EPHB2: variants seen among roughly 807,000 people sequenced by gnomAD.
EPHB2 encodes EPH receptor B2, also known as ephrin type-B receptor 2.
In EPHB2, 18 loss-of-function variants were observed where a neutral mutation model predicts 96.4. The ratio of observed to expected loss-of-function variants is 0.19; its 90% confidence interval spans 0.13 to 0.28. The LOEUF is 0.28. Ranked by LOEUF, EPHB2 falls within the 10% of genes least tolerant of loss-of-function variation. EPHB2 has a pLI of 1.00. For missense variants in EPHB2, 989 were observed against 1,355.4 expected (o/e 0.73, Z 4.25); for synonymous variants, 506 against 534.1 (o/e 0.95, Z 0.72).
At position 22,869,187 on chromosome 1, in the gene EPHB2, C is replaced by G. The variant is rs376544548; in HGVS notation, c.1303+3975C>G. Among the ~76,000 whole-genome samples, 9 of 152,138 alleles carry G rather than the reference C, an allele frequency of 5.9e-5. No homozygotes were observed. In the East Asian group the frequency reaches 7.7e-4, roughly 13 times the overall value. On this transcript the variant is annotated intron_variant, in intron 5 of 15. Transcript: ENST00000374630. Reference sequence around the variant, plus strand: ...TGTGCAACCTCACCACACCCCCACCCCATTATCCCCCTTTGCCAGGTGAGG... The same window carrying G: ...TGTGCAACCTCACCACACCCCCACCGCATTATCCCCCTTTGCCAGGTGAGG...
intron 1 of EPHB2, among the ~76,000 whole-genome samples, chr1:22,769,846 G>A (rs1644354580): frequency 6.6e-6 from 1 of 152,200 alleles, no homozygotes; most frequent in Non-Finnish European, 1.5e-5. Flanking sequence ...AAATGAATGG[G>A]CGAGTGGATA....
chr1:22,789,803 A>G (rs1283211463), intron 3 of EPHB2, among the ~76,000 whole-genome samples: 1 of 152,204 alleles, frequency 6.6e-6, no homozygotes, highest in African/African-American at 2.4e-5. Flanking sequence ...TTGTGCAACA[A>G]TAGAGATCAA....
At chr1:22,741,241 T>G (rs1410942019) in intron 1 of EPHB2, among the ~76,000 whole-genome samples, 1 of 152,030 alleles carries the variant, frequency 6.6e-6, no homozygotes, top group Non-Finnish European at 1.5e-5. Context: ...GGGAGACATC[T>G]CCTCTCTCGC....
chr1:22,868,469 A>G (rs1014577602), intron 5 of EPHB2, among the ~76,000 whole-genome samples: 1 of 152,008 alleles, frequency 6.6e-6, no homozygotes, highest in Non-Finnish European at 1.5e-5. Context: ...ATAAATATTT[A>G]TTTTCTCACT....
At position 22,784,361 on chromosome 1, in the gene EPHB2, C is replaced by T; in HGVS notation, c.127-31C>T. The T allele has an allele frequency of 6.2e-7, 1 of 1,610,026 alleles. No individual in the cohort carries two copies. Among genetic ancestry groups the T allele is most frequent in the Non-Finnish European group, 8.5e-7 (1 of 1,176,842 alleles). ...AGTGTGTGCTGGGGCTGAGCCCTTACCTCCCCACCTGACGAGCATTTTACC... is the reference window on the plus strand; with the variant it reads ...AGTGTGTGCTGGGGCTGAGCCCTTATCTCCCCACCTGACGAGCATTTTACC... On this transcript the variant is annotated intron_variant, in intron 2 of 15. Transcript: ENST00000374630. The surrounding 1 kb of genome is among the most constrained non-coding windows in gnomAD (Gnocchi z 5.1).
At chr1:22,901,820 A>AGTGTGTGTGTGTGTGTGTGTGTGT (rs57503593) in intron 9 of EPHB2, among the ~76,000 whole-genome samples, 19 of 148,574 alleles carry the variant, frequency 1.3e-4, no homozygotes, top group African/African-American at 4.7e-4. Flanking sequence ...TGTGTGTGTG[A>AGTGTGTGTGTGTGTGTGTGTGTGT]GTGTGTGTGT....
At chr1:22,801,766 C>T (rs1055125019) in intron 3 of EPHB2, among the ~76,000 whole-genome samples, 4 of 152,212 alleles carry the variant, frequency 2.6e-5, no homozygotes, top group Non-Finnish European at 2.9e-5. Context: ...GGCAGCCCCT[C>T]GTGGGGTCCC....
intron 6 of EPHB2, among the ~76,000 whole-genome samples, chr1:22,892,435 G>A (rs1256318880): frequency 1.3e-5 from 2 of 152,138 alleles, no homozygotes; most frequent in Non-Finnish European, 1.5e-5. Context: ...TTGACCATGG[G>A]TTTATGTCTG....
At chr1:22,730,914 G>A (rs1229227019) in intron 1 of EPHB2, among the ~76,000 whole-genome samples, 1 of 152,132 alleles carries the variant, frequency 6.6e-6, no homozygotes, top group Non-Finnish European at 1.5e-5. Context: ...GGGACAGGAA[G>A]AACCATCACA....
chr1:22,790,918 C>CCTGCTGTGCAGCCCCTGCT lies in EPHB2; in HGVS notation c.811+5845_811+5863dup, dbSNP rs1553164602. On this transcript the variant is annotated intron_variant, in intron 3 of 15. Coordinates refer to ENST00000374630, the MANE Select transcript of EPHB2 (RefSeq NM_017449.5). This position sits in a 1 kb window ranked among gnomAD's most constrained non-coding sequence, Gnocchi z 4.0. ...AGCCTCTCCCTCTTGTCTGCCCTGC[C>CCTGCTGTGCAGCCCCTGCT]CTGCTGTGCAGCCCCTGCTCTCTCC... 6.6e-6 allele frequency among the ~76,000 whole-genome samples: 1 copy of CCTGCTGTGCAGCCCCTGCT among 152,326 alleles called. No homozygotes were observed. Among genetic ancestry groups the CCTGCTGTGCAGCCCCTGCT allele is most frequent in the East Asian group, 1.9e-4 (1 of 5,184 alleles).
intron 12 of EPHB2, 74 bp downstream of exon 12, chr1:22,908,242 G>T (rs925595523): frequency 4.5e-6 from 7 of 1,571,108 alleles, no homozygotes; most frequent in Non-Finnish European, 6.1e-6. Flanking sequence ...CTCCCTGCAA[G>T]ACACTTTCAC....
At chr1:22,819,944 C>T (rs980730777) in intron 3 of EPHB2, among the ~76,000 whole-genome samples, 1 of 152,028 alleles carries the variant, frequency 6.6e-6, no homozygotes, top group Non-Finnish European at 1.5e-5. Flanking sequence ...CCAGCCTGGT[C>T]ATACCCACAC....
chr1:22,800,798 T>A (rs72653688), intron 3 of EPHB2, among the ~76,000 whole-genome samples: 1,967 of 142,004 alleles, frequency 0.014, 43 homozygotes, highest in African/African-American at 0.05. Context: ...ACACACACAC[T>A]CTCTCTCTCT....
chr1:22,783,890 A>G (rs1274554214), intron 2 of EPHB2, among the ~76,000 whole-genome samples: 1 of 152,114 alleles, frequency 6.6e-6, no homozygotes, highest in African/African-American at 2.4e-5. Context: ...CTTCCCCATC[A>G]TCCTAGGCGT....
intron 5 of EPHB2, among the ~76,000 whole-genome samples, chr1:22,878,749 C>T (rs898884609): frequency 1.2e-4 from 18 of 152,168 alleles, no homozygotes; most frequent in African/African-American, 4.3e-4. Context: ...CTGTTGGACT[C>T]CACCCTCAGG....
rs541571960 is a variant in EPHB2 at position 22,827,068 on chromosome 1, C to T, written c.812-35969C>T. Among the ~76,000 whole-genome samples the T allele has an allele frequency of 7.9e-5, 12 of 152,320 alleles. No individual in the cohort carries two copies. The South Asian group carries it at 8.3e-4, about 11-fold the overall frequency. ...AGTATGGAATCCAGAGCTCCTGCCC[C>T]GCTTCCTCCCTACCAGAGCACAAGA... On this transcript the variant is annotated intron_variant, in intron 3 of 15. Transcript: ENST00000374630.
chr1:22,816,127 A>G (rs1443513110), intron 3 of EPHB2, among the ~76,000 whole-genome samples: 12 of 152,268 alleles, frequency 7.9e-5, no homozygotes, highest in African/African-American at 2.4e-4. Flanking sequence ...CATCTCAGGC[A>G]TCTGTCGGAT....
chr1:22,896,462 C>T lies in EPHB2; in HGVS notation c.1749C>T (p.His583=), dbSNP rs753914148. 1.2e-6 allele frequency: 2 copies of T among 1,614,182 alleles called. No homozygotes were observed. Among genetic ancestry groups the T allele is most frequent in the Non-Finnish European group, 1.7e-6 (2 of 1,180,030 alleles). The change falls in exon 9 of 16, where the codon CAC becomes CAT. Residue 583 remains histidine, a synonymous_variant. Coordinates refer to ENST00000374630, the MANE Select transcript of EPHB2 (RefSeq NM_017449.5). ...ADSEYTDKLQ[H]YTSGHMTPGM... ...CGGAGTACACGGACAAGCTGCAACA[C>T]TACACCAGTGGCCACAGTATGTACA...
At chr1:22,845,674 G>A (rs1248288391) in intron 3 of EPHB2, among the ~76,000 whole-genome samples, 1 of 152,160 alleles carries the variant, frequency 6.6e-6, no homozygotes, top group Admixed American at 6.5e-5. Context: ...TTAGAGGTTT[G>A]TCATTTTCCT....
Sources: allele counts gnomAD v4.1 joint callset (sites outside exome capture counted in the v4.1 genomes callset), GRCh38; gene constraint gnomAD v4.1.1; non-coding constraint Gnocchi (gnomAD v3.1); transcripts MANE v1.5; gene names NCBI Gene and HGNC (gene_info 2026-07-23, HGNC 2026-07-21).